Variants in NUP205 observed in about 807,000 individuals in gnomAD.
NUP205 encodes the protein nuclear pore complex protein Nup205.
Under a neutral mutation model 253.8 loss-of-function variants are expected in NUP205, and 76 were observed. That is an observed-to-expected ratio of 0.30 (90% CI 0.25 to 0.36). NUP205 has a LOEUF of 0.36. NUP205 is among the 10% of genes least tolerant of loss of function. The pLI, the probability that NUP205 is intolerant of heterozygous loss-of-function variation, is 1.00. For missense variants in NUP205, 2,162 were observed against 2,425.5 expected (o/e 0.89, Z 2.28); for synonymous variants, 832 against 850.1 (o/e 0.98, Z 0.37).
At chr7:135,612,625 C>T (rs936948591) in intron 22 of NUP205, among the ~76,000 whole-genome samples, 2 of 152,294 alleles carry the variant, frequency 1.3e-5, no homozygotes, top group African/African-American at 4.8e-5. Context: ...AAAAGCATTG[C>T]TCCATTAGAG....
chr7:135,626,593 T>C (rs1431495369), intron 33 of NUP205, among the ~76,000 whole-genome samples: 1 of 152,220 alleles, frequency 6.6e-6, no homozygotes, highest in Non-Finnish European at 1.5e-5. Context: ...ATGTTATTAT[T>C]ATGTTCAATT....
At chr7:135,613,535 CT>C (rs554681540) in intron 22 of NUP205, among the ~76,000 whole-genome samples, 4 of 138,732 alleles carry the variant, frequency 2.9e-5, no homozygotes, top group East Asian at 2.0e-4. Context: ...TTTTTCTTTT[CT>C]TTTTTTTTCT....
At chr7:135,642,147 C>G (rs535099841) in intron 38 of NUP205, among the ~76,000 whole-genome samples, 3 of 151,370 alleles carry the variant, frequency 2.0e-5, no homozygotes, top group Non-Finnish European at 2.9e-5. Context: ...CCCAGCTACT[C>G]GGGAGGCTGA....
intron 36 of NUP205, among the ~76,000 whole-genome samples, chr7:135,637,708 TA>T (rs3839678): frequency 7.3e-5 from 11 of 151,036 alleles, no homozygotes; most frequent in East Asian, 3.9e-4. Flanking sequence ...TTTATTGCTT[TA>T]AAAAAAAAGG....
intron 7 of NUP205, among the ~76,000 whole-genome samples, chr7:135,581,029 G>T (rs1005188905): frequency 4.6e-4 from 70 of 151,776 alleles, no homozygotes; most frequent in African/African-American, 1.5e-3. Flanking sequence ...AATAGTTAGG[G>T]GTATTATAAT....
chr7:135,583,629 G>C (rs117805508), intron 7 of NUP205, among the ~76,000 whole-genome samples: 1 of 151,820 alleles, frequency 6.6e-6, no homozygotes. Flanking sequence ...GTGTGTTGGC[G>C]CACACCTATA....
intron 42 of NUP205, 70 bp from the exon 43 acceptor site, chr7:135,648,334 T>G: frequency 3.0e-6 from 4 of 1,335,540 alleles, no homozygotes; most frequent in Non-Finnish European, 4.0e-6. Context: ...TGTTTTAAAT[T>G]GGAAGACTTA....
intron 10 of NUP205, among the ~76,000 whole-genome samples, chr7:135,590,553 T>A (rs1010139740): frequency 1.3e-5 from 2 of 151,992 alleles, no homozygotes; most frequent in African/African-American, 2.4e-5. Flanking sequence ...TTTTTTTTTT[T>A]TGGAGACGGA....
intron 27 of NUP205, 52 bp from the exon 28 acceptor site, chr7:135,618,360 A>G: frequency 4.8e-6 from 7 of 1,453,646 alleles, no homozygotes; most frequent in South Asian, 1.1e-5. Flanking sequence ...ACTGACAGAT[A>G]ACTGATCTTA....
At chr7:135,570,687 T>C (rs1302667179) in intron 1 of NUP205, among the ~76,000 whole-genome samples, 1 of 83,482 alleles carries the variant, frequency 1.2e-5, no homozygotes, top group Non-Finnish European at 2.2e-5. Flanking sequence ...ATATTAATTA[T>C]ATTAATATAA....
chr7:135,561,096 G>A (rs987713738), intron 1 of NUP205, among the ~76,000 whole-genome samples: 1 of 152,176 alleles, frequency 6.6e-6, no homozygotes, highest in African/African-American at 2.4e-5. Flanking sequence ...TGTAATCCCA[G>A]CACTTTGGGA....
chr7:135,569,812 G>A (rs1226932404), intron 1 of NUP205, among the ~76,000 whole-genome samples: 3 of 151,910 alleles, frequency 2.0e-5, no homozygotes, highest in African/African-American at 7.3e-5. Flanking sequence ...ATAATAGCCA[G>A]TGTCTCAGCC....
intron 42 of NUP205, among the ~76,000 whole-genome samples, chr7:135,646,947 T>C (rs189130240): frequency 6.6e-6 from 1 of 152,300 alleles, no homozygotes. Flanking sequence ...GTAGAACTTT[T>C]TAGGTACAAA....
At position 135,606,803 on chromosome 7, in the gene NUP205, C is replaced by T. The variant is rs759684878; in HGVS notation, c.2958C>T (p.His986=). 3.7e-6 allele frequency: 6 copies of T among 1,613,530 alleles called. No individual in the cohort carries two copies. Among genetic ancestry groups the T allele is most frequent in the Middle Eastern group, 3.3e-4 (2 of 6,056 alleles). The change falls in exon 21 of 43, where the codon CAC becomes CAT. Residue 986 remains histidine, a synonymous_variant. Coordinates refer to ENST00000285968, the MANE Select transcript of NUP205 (RefSeq NM_015135.3). ...CAATTCGTCATGAAACAAGAATCCA[C>T]ATCTTGAATCTTCTCATTACCTCTC... is the stretch of plus-strand genomic sequence containing the variant. ...LVAIRHETRI[H]ILNLLITSLE...
intron 30 of NUP205, 101 bp downstream of exon 30, chr7:135,619,989 A>G (rs1794442974): frequency 1.3e-6 from 1 of 760,102 alleles, no homozygotes; most frequent in Non-Finnish European, 2.2e-6. Flanking sequence ...TCACAACTGT[A>G]AAAAATGAGT....
intron 1 of NUP205, among the ~76,000 whole-genome samples, chr7:135,567,639 C>T (rs1584635592): frequency 1.3e-5 from 2 of 151,576 alleles, no homozygotes; most frequent in Admixed American, 6.6e-5. Context: ...AATTACATTG[C>T]GTCATCTGAC....
chr7:135,620,156 G>A (rs1037930803), intron 30 of NUP205, among the ~76,000 whole-genome samples: 2 of 152,154 alleles, frequency 1.3e-5, no homozygotes, highest in East Asian at 1.9e-4. Flanking sequence ...CCTCAAGTCC[G>A]ACTGAACAGT....
chr7:135,622,721 C>A, intron 30 of NUP205, 56 bp from the exon 31 acceptor site: 3 of 1,465,210 alleles, frequency 2.0e-6, no homozygotes, highest in Non-Finnish European at 2.8e-6. Context: ...GGTATAATTA[C>A]TCAGTTATTA....
rs1452163533 is a variant in NUP205 at position 135,584,805 on chromosome 7, G to A, written c.1043-27G>A. ...TCTGGGTTAATGACTTTTCCTCCAT[G>A]TACTGTGTTTTAAAATCTGTTTCTA... On this transcript the variant is annotated intron_variant, in intron 7 of 42. Coordinates refer to ENST00000285968, the MANE Select transcript of NUP205 (RefSeq NM_015135.3). The A allele has an allele frequency of 2.5e-6, 4 of 1,607,390 alleles. 1 individual carries two copies. In the South Asian group the frequency reaches 3.3e-5, roughly 13 times the overall value.
Sources: allele counts gnomAD v4.1 joint callset (sites outside exome capture counted in the v4.1 genomes callset), GRCh38; gene constraint gnomAD v4.1.1; transcripts MANE v1.5; gene names NCBI Gene and HGNC (gene_info 2026-07-23, HGNC 2026-07-21).